Variants in DLGAP1 observed in about 807,000 individuals in gnomAD.
DLGAP1 encodes the protein disks large-associated protein 1.
A neutral mutation model predicts 90.8 loss-of-function variants in DLGAP1; 11 were observed. The observed-to-expected ratio is 0.12, with a 90% CI of 0.08 to 0.20. The LOEUF (loss-of-function observed/expected upper bound fraction) is 0.20. Ranked by LOEUF, DLGAP1 falls within the 10% of genes least tolerant of loss-of-function variation. The pLI is 1.00. For missense variants in DLGAP1, 1,050 were observed against 1,333.8 expected (o/e 0.79, Z 3.31); for synonymous variants, 558 against 540.7 (o/e 1.03, Z -0.44).
At chr18:3,535,312 A>G (rs2052292212) in intron 9 of DLGAP1, among the ~76,000 whole-genome samples, 1 of 152,150 alleles carries the variant, frequency 6.6e-6, no homozygotes, top group Admixed American at 6.5e-5. Flanking sequence ...GAAGTGTCCA[A>G]CTTCCTCCCC....
intron 7 of DLGAP1, among the ~76,000 whole-genome samples, chr18:3,705,387 T>G (rs1480459089): frequency 6.6e-6 from 1 of 151,946 alleles, no homozygotes; most frequent in Non-Finnish European, 1.5e-5. Flanking sequence ...AACAGCATTG[T>G]GCTTGTATGG....
At chr18:4,418,850 G>T (rs2082964029) in intron 1 of DLGAP1, among the ~76,000 whole-genome samples, 1 of 47,506 alleles carries the variant, frequency 2.1e-5, no homozygotes, top group African/African-American at 5.9e-5. Flanking sequence ...AAACTACAGA[G>T]CCAAAAACAA....
intron 3 of DLGAP1, among the ~76,000 whole-genome samples, chr18:3,935,308 C>G (rs933300495): frequency 1.3e-5 from 2 of 152,162 alleles, no homozygotes; most frequent in Non-Finnish European, 1.5e-5. Flanking sequence ...CTACGATTAG[C>G]TCAAACAAAG....
At chr18:3,800,148 G>C (rs2066219916) in intron 5 of DLGAP1, among the ~76,000 whole-genome samples, 1 of 152,166 alleles carries the variant, frequency 6.6e-6, no homozygotes, top group South Asian at 2.1e-4. Flanking sequence ...ATTTTGGTGG[G>C]TGGGAACATA....
At chr18:4,135,406 T>C (rs1387253818) in intron 2 of DLGAP1, among the ~76,000 whole-genome samples, 1 of 152,196 alleles carries the variant, frequency 6.6e-6, no homozygotes, top group Non-Finnish European at 1.5e-5. Context: ...GTCTGAGTTA[T>C]GAATGGGAAT....
chr18:3,790,258 T>C (rs370705361), intron 5 of DLGAP1, among the ~76,000 whole-genome samples: 1 of 137,130 alleles, frequency 7.3e-6, no homozygotes, highest in African/African-American at 2.6e-5. Flanking sequence ...TCTTTGCTTC[T>C]TTTACTTTTT....
At chr18:3,674,309 A>ATATATATATATATATATATATG (rs1555624007) in intron 7 of DLGAP1, among the ~76,000 whole-genome samples, 3 of 140,514 alleles carry the variant, frequency 2.1e-5, no homozygotes, top group African/African-American at 8.6e-5. Flanking sequence ...ATATATATAT[A>ATATATATATATATATATATATG]TATGTATATT....
intron 1 of DLGAP1, among the ~76,000 whole-genome samples, chr18:4,361,343 T>C (rs542885442): frequency 1.3e-5 from 2 of 152,268 alleles, no homozygotes; most frequent in Admixed American, 1.3e-4. Flanking sequence ...AACTCATATT[T>C]CCTGATTTCA....
At chr18:4,062,643 C>T (rs948887453) in intron 2 of DLGAP1, among the ~76,000 whole-genome samples, 3 of 152,048 alleles carry the variant, frequency 2.0e-5, no homozygotes, top group Non-Finnish European at 4.4e-5. Flanking sequence ...GTGCTTCATG[C>T]AAATAATCAG....
At chr18:4,021,881 G>A (rs2074616338) in intron 2 of DLGAP1, among the ~76,000 whole-genome samples, 1 of 152,184 alleles carries the variant, frequency 6.6e-6, no homozygotes, top group South Asian at 2.1e-4. Context: ...TTACAGGCGT[G>A]AGCCACTGTG....
At chr18:3,740,099 A>G (rs1179167563) in intron 6 of DLGAP1, among the ~76,000 whole-genome samples, 2 of 152,222 alleles carry the variant, frequency 1.3e-5, no homozygotes, top group Non-Finnish European at 1.5e-5. Context: ...CCATAAAGTT[A>G]TGAAAACCAT....
At chr18:3,583,183 TA>T (rs371933567) in intron 7 of DLGAP1, among the ~76,000 whole-genome samples, 1 of 143,352 alleles carries the variant, frequency 7.0e-6, no homozygotes, top group African/African-American at 2.6e-5. Context: ...CCTACCTACC[TA>T]CCTTCCTTCC....
At chr18:4,240,270 T>G (rs2078504305) in intron 1 of DLGAP1, among the ~76,000 whole-genome samples, 2 of 152,174 alleles carry the variant, frequency 1.3e-5, no homozygotes, top group Non-Finnish European at 2.9e-5. Flanking sequence ...GCCTTGATAA[T>G]GCATCTTATT....
chr18:4,309,664 G>T (rs903345656), intron 1 of DLGAP1, among the ~76,000 whole-genome samples: 2 of 152,074 alleles, frequency 1.3e-5, no homozygotes, highest in African/African-American at 4.8e-5. Context: ...AGCCAAGGAA[G>T]CAACATGATG....
At chr18:3,931,667 CA>C (rs1473027890) in intron 3 of DLGAP1, among the ~76,000 whole-genome samples, 1 of 152,122 alleles carries the variant, frequency 6.6e-6, no homozygotes, top group Non-Finnish European at 1.5e-5. Context: ...TTGTCCTGGC[CA>C]AAAGCATCTA....
chr18:3,614,199 C>CAT (rs10643801), intron 7 of DLGAP1, among the ~76,000 whole-genome samples: 3 of 151,806 alleles, frequency 2.0e-5, no homozygotes, highest in South Asian at 4.1e-4. Flanking sequence ...GGATTACAGG[C>CAT]GAGCCACCGT....
chr18:3,890,252 C>A (rs1236615057), intron 3 of DLGAP1, among the ~76,000 whole-genome samples: 1 of 152,244 alleles, frequency 6.6e-6, no homozygotes, highest in African/African-American at 2.4e-5. Flanking sequence ...ATACATTATG[C>A]ATGCTAATTC....
intron 7 of DLGAP1, among the ~76,000 whole-genome samples, chr18:3,699,800 C>G (rs1567980949): frequency 6.6e-6 from 1 of 152,222 alleles, no homozygotes; most frequent in Non-Finnish European, 1.5e-5. Context: ...AGGCCCCTGA[C>G]TGGGGCTGCT....
intron 1 of DLGAP1, among the ~76,000 whole-genome samples, chr18:4,235,886 T>C (rs2078404578): frequency 6.6e-6 from 1 of 151,958 alleles, no homozygotes; most frequent in African/African-American, 2.4e-5. Context: ...CCACCATGCC[T>C]GGCTAATTTT....
Sources: allele counts gnomAD v4.1 joint callset (sites outside exome capture counted in the v4.1 genomes callset), GRCh38; gene constraint gnomAD v4.1.1; transcripts MANE v1.5; gene names NCBI Gene and HGNC (gene_info 2026-07-23, HGNC 2026-07-21).